CARS1: variants seen among roughly 807,000 people sequenced by gnomAD.
CARS1 encodes cysteine--tRNA ligase, cytoplasmic.
In CARS1, 48 loss-of-function variants were observed where a neutral mutation model predicts 106.2. The observed-to-expected ratio is 0.45, with a 90% CI of 0.36 to 0.57. CARS1 has a LOEUF of 0.57. Ranked by LOEUF, CARS1 falls within the 20% of genes least tolerant of loss-of-function variation. CARS1 has a pLI of 0.00. For synonymous variants in CARS1, 409 were observed against 403.4 expected (o/e 1.01, Z -0.17); for missense variants, 968 against 1,057.2 (o/e 0.92, Z 1.17).
At position 3,041,831 on chromosome 11, in the gene CARS1, G is replaced by A. The variant is rs930602825; in HGVS notation, c.366+334C>T. ...ACAGTGCCACCTGCTGCAACCACGC[G>A]TCCTCCTGAAAGGCGTGGCTGTGGA... is the stretch of plus-strand genomic sequence containing the variant. On this transcript the variant is annotated intron_variant, in intron 3 of 22. Transcript: ENST00000380525. The surrounding 1 kb of genome is among the most constrained non-coding windows in gnomAD (Gnocchi z 4.9). Among the ~76,000 whole-genome samples the A allele has an allele frequency of 2.6e-5, 4 of 152,224 alleles. No homozygotes were observed. Among genetic ancestry groups the A allele is most frequent in the Non-Finnish European group, 4.4e-5 (3 of 68,024 alleles).
At chr11:3,051,173 G>C (rs1018199999) in intron 1 of CARS1, among the ~76,000 whole-genome samples, 1 of 152,266 alleles carries the variant, frequency 6.6e-6, no homozygotes, top group Non-Finnish European at 1.5e-5. Context: ...CCAGGGGCTT[G>C]CTTAGCAGGA....
chr11:3,055,578 G>A (rs1475595464), intron 1 of CARS1, among the ~76,000 whole-genome samples: 3 of 152,358 alleles, frequency 2.0e-5, no homozygotes, highest in Admixed American at 6.5e-5. Flanking sequence ...TGAGGACTGG[G>A]CAATCTGCCT....
intron 1 of CARS1, among the ~76,000 whole-genome samples, chr11:3,055,229 C>G (rs1856081726): frequency 6.6e-6 from 1 of 152,048 alleles, no homozygotes; most frequent in African/African-American, 2.4e-5. Flanking sequence ...GGCGCAATCT[C>G]GACTCACTGC....
In CARS1 at chr11:3,029,600, C is replaced by G; in HGVS notation, c.802-157G>C. On this transcript the variant is annotated intron_variant, in intron 7 of 22. Coordinates refer to ENST00000380525, the MANE Select transcript of CARS1 (RefSeq NM_001014437.3). This position sits in a 1 kb window ranked among gnomAD's most constrained non-coding sequence, Gnocchi z 5.9. ...TCCTAGGGAGACTGTGATGCTTACA[C>G]AACTGGCTCGGCAGGGACAAATACA... 1 of 704,934 alleles carries G rather than the reference C, an allele frequency of 1.4e-6. No homozygotes were observed. The highest frequency in any genetic ancestry group is 2.0e-5 in the South Asian group (1 of 50,634). The allele number at this position is 704,934 out of a possible 1,614,324, so 43.7% of individuals were successfully genotyped here. A position where few individuals can be genotyped will look rare whatever the true frequency, so the allele number is the denominator to read the frequency against.
At chr11:3,051,970 G>A (rs1298444675) in intron 1 of CARS1, among the ~76,000 whole-genome samples, 1 of 152,224 alleles carries the variant, frequency 6.6e-6, no homozygotes, top group Non-Finnish European at 1.5e-5. Flanking sequence ...GGATTCTGAT[G>A]GAGAGACCAC....
At chr11:3,007,488 T>C (rs1850001306) in intron 18 of CARS1, 1 of 153,758 alleles carries the variant, frequency 6.5e-6, no homozygotes, top group Admixed American at 6.5e-5. Flanking sequence ...CCAGGAGAGC[T>C]GAGTCCCAGG....
chr11:3,012,884 C>CTTTT (rs768906268), intron 17 of CARS1, among the ~76,000 whole-genome samples: 2 of 116,906 alleles, frequency 1.7e-5, no homozygotes, highest in African/African-American at 3.6e-5. Context: ...CTATATTTCC[C>CTTTT]TTTTTTTTTT....
rs1214269756 is a variant in CARS1, at chr11:3,038,005, A to G, written c.801+45T>C. The stretch of plus-strand genomic sequence containing the variant: ...CACAGATCAGTCTATGCACGGCCCG[A>G]CATTTGACCCGAACGGGCTGTCTGG... On this transcript the variant is annotated intron_variant, in intron 7 of 22. Coordinates refer to ENST00000380525, the MANE Select transcript of CARS1 (RefSeq NM_001014437.3). The surrounding 1 kb of genome is among the most constrained non-coding windows in gnomAD (Gnocchi z 4.0). 1 of 1,586,964 alleles carries G rather than the reference A, an allele frequency of 6.3e-7. No homozygotes were observed. Among genetic ancestry groups the G allele is most frequent in the South Asian group, 1.1e-5 (1 of 89,890 alleles).
intron 1 of CARS1, among the ~76,000 whole-genome samples, chr11:3,055,753 A>G (rs371294184): frequency 1.3e-5 from 2 of 152,264 alleles, no homozygotes; most frequent in African/African-American, 4.8e-5. Flanking sequence ...GAACAAAAAC[A>G]CATTTTTAGT....
intron 7 of CARS1, among the ~76,000 whole-genome samples, chr11:3,032,151 C>T (rs572651657): frequency 2.0e-5 from 3 of 150,826 alleles, no homozygotes; most frequent in Non-Finnish European, 4.4e-5. Context: ...CAGCTCACTG[C>T]AACCTCCGCC....
chr11:3,005,343 T>G, intron 20 of CARS1, 23 bp downstream of exon 20: 1 of 1,558,516 alleles, frequency 6.4e-7, no homozygotes, highest in Non-Finnish European at 8.8e-7. Flanking sequence ...ATATCACGCT[T>G]AAGTCATTTT....
In CARS1 at chr11:3,020,477, T is replaced by C. The variant is rs1851475311; in HGVS notation, c.1154-145A>G. ...AACTTGGCTCAAGCATTTCTTCAAG[T>C]TAACTATGTATTACCAGATTCTGGT... On this transcript the variant is annotated intron_variant, in intron 10 of 22. Transcript: ENST00000380525. This position sits in a 1 kb window ranked among gnomAD's most constrained non-coding sequence, Gnocchi z 4.6. The C allele has an allele frequency of 3.2e-6, 2 of 628,712 alleles. No individual in the cohort carries two copies. Among genetic ancestry groups the C allele is most frequent in the Admixed American group, 5.0e-5 (2 of 40,160 alleles). The allele number at this position is 628,712 out of a possible 1,614,324, so 38.9% of individuals were successfully genotyped here.
At chr11:3,047,006 G>A (rs541280615) in intron 2 of CARS1, among the ~76,000 whole-genome samples, 7 of 152,264 alleles carry the variant, frequency 4.6e-5, no homozygotes, top group East Asian at 3.9e-4. Flanking sequence ...GGCCGGGCGC[G>A]GTGGTTCACA....
Position 3,022,604 on chromosome 11 carries a change from T to C in CARS1, c.1154-2272A>G, listed in dbSNP as rs1020358447. ...TTCAAGTTTTCCTTCTTGGTTTCAT[T>C]TCCTGTCTCTCTCCCCAGAGGCAGA... On this transcript the variant is annotated intron_variant, in intron 10 of 22. Coordinates refer to ENST00000380525, the MANE Select transcript of CARS1 (RefSeq NM_001014437.3). The surrounding 1 kb of genome is among the most constrained non-coding windows in gnomAD (Gnocchi z 4.9). 1.3e-5 allele frequency among the ~76,000 whole-genome samples: 2 copies of C among 152,176 alleles called. No individual in the cohort carries two copies. The highest frequency in any genetic ancestry group is 4.8e-5 in the African/African-American group (2 of 41,436).
At chr11:3,042,538 GCTTT>G (rs944314584) in intron 2 of CARS1, among the ~76,000 whole-genome samples, 5 of 151,864 alleles carry the variant, frequency 3.3e-5, no homozygotes, top group Admixed American at 2.0e-4. Context: ...TCTTTCTTTT[GCTTT>G]CTAATATTCT....
chr11:3,033,876 T>A (rs1193941622), intron 7 of CARS1, among the ~76,000 whole-genome samples: 1 of 152,182 alleles, frequency 6.6e-6, no homozygotes, highest in Non-Finnish European at 1.5e-5. Context: ...CTCTTACCCA[T>A]CAGATACCTG....
rs941374047 is a variant in CARS1, at chr11:3,004,768, G to T, written c.2217+598C>A. Among the ~76,000 whole-genome samples, 11 of 152,208 alleles carry T rather than the reference G, an allele frequency of 7.2e-5. No individual in the cohort carries two copies. Among genetic ancestry groups the T allele is most frequent in the Non-Finnish European group, 7.3e-5 (5 of 68,040 alleles). On this transcript the variant is annotated intron_variant, in intron 20 of 22. Coordinates refer to ENST00000380525, the MANE Select transcript of CARS1 (RefSeq NM_001014437.3). This position sits in a 1 kb window ranked among gnomAD's most constrained non-coding sequence, Gnocchi z 5.2. ...GAATAGGAGGTGGAGATGCATCAGT[G>T]ACACGCGCCACTCAGGTGAGGGCAC...
rs1374100889 is a variant in CARS1, at chr11:3,008,822, T to C, written c.2069-1863A>G. 1 of 151,940 alleles carries C rather than the reference T, an allele frequency of 6.6e-6. No individual in the cohort carries two copies. Among genetic ancestry groups the C allele is most frequent in the Non-Finnish European group, 1.5e-5 (1 of 67,998 alleles). The allele number at this position is 151,940 out of a possible 1,614,324, so 9.4% of individuals were successfully genotyped here. ...CAGCTGACTGGGGCATGAGCTGAGG[T>C]AGGTGCCTGCCCTTCACTCTTTGAA... On this transcript the variant is annotated intron_variant, in intron 18 of 22. Coordinates refer to ENST00000380525, the MANE Select transcript of CARS1 (RefSeq NM_001014437.3). This position sits in a 1 kb window ranked among gnomAD's most constrained non-coding sequence, Gnocchi z 5.1.
rs143210257 is a variant in CARS1, at chr11:3,030,422, C to G, written c.802-979G>C. The G allele has an allele frequency of 6.6e-6, 1 of 152,244 alleles. No individual in the cohort carries two copies. Among genetic ancestry groups the G allele is most frequent in the Non-Finnish European group, 1.5e-5 (1 of 68,068 alleles). 9.4% of individuals were successfully genotyped at this position (152,244 alleles called of 1,614,324 possible). Reference sequence around the variant, plus strand: ...GCAGGAATGAGCACACCCTCCCCACCGCGGCAGGGCATCCAGTGGGCAGAC... The same window carrying G: ...GCAGGAATGAGCACACCCTCCCCACGGCGGCAGGGCATCCAGTGGGCAGAC... On this transcript the variant is annotated intron_variant, in intron 7 of 22. Transcript: ENST00000380525. The surrounding 1 kb of genome is among the most constrained non-coding windows in gnomAD (Gnocchi z 5.7).
Sources: allele counts gnomAD v4.1 joint callset (sites outside exome capture counted in the v4.1 genomes callset), GRCh38; gene constraint gnomAD v4.1.1; non-coding constraint Gnocchi (gnomAD v3.1); transcripts MANE v1.5; gene names NCBI Gene and HGNC (gene_info 2026-07-23, HGNC 2026-07-21).